Variants in IQCK observed in about 807,000 individuals in gnomAD.
The protein encoded by IQCK is IQ motif containing K, also known as IQ domain-containing protein K.
A neutral mutation model predicts 28.1 loss-of-function variants in IQCK; 29 were observed. That is an observed-to-expected ratio of 1.03 (90% CI 0.77 to 1.41). IQCK has a LOEUF of 1.41. Among genes scored for constraint, IQCK ranks in the 40% most tolerant of loss-of-function variants. The pLI, the probability that IQCK is intolerant of heterozygous loss-of-function variation, is 0.00. For missense variants in IQCK, 359 were observed against 314.7 expected (o/e 1.14, Z -1.07); for synonymous variants, 113 against 115.1 (o/e 0.98, Z 0.12).
intron 2 of IQCK, among the ~76,000 whole-genome samples, chr16:19,731,148 G>A (rs1977823561): frequency 6.6e-6 from 1 of 152,186 alleles, no homozygotes; most frequent in Non-Finnish European, 1.5e-5. Flanking sequence ...GTCCATGTGA[G>A]GGACAGTTGC....
At chr16:19,767,900 A>C (rs2055263985) in intron 6 of IQCK, among the ~76,000 whole-genome samples, 1 of 149,292 alleles carries the variant, frequency 6.7e-6, no homozygotes, top group African/African-American at 2.4e-5. Flanking sequence ...TAAATAAACA[A>C]ATAAATAAAT....
At chr16:19,748,374 T>C (rs1218304724) in intron 4 of IQCK, among the ~76,000 whole-genome samples, 1 of 152,124 alleles carries the variant, frequency 6.6e-6, no homozygotes, top group Non-Finnish European at 1.5e-5. Flanking sequence ...CGAACCCAGC[T>C]AAATTCTTAT....
intron 2 of IQCK, among the ~76,000 whole-genome samples, chr16:19,732,339 A>G (rs1977867276): frequency 6.6e-6 from 1 of 152,078 alleles, no homozygotes; most frequent in African/African-American, 2.4e-5. Flanking sequence ...TGTTTTCTGG[A>G]TGGGTCTCTT....
At chr16:19,849,865 A>T (rs1044428827) in intron 9 of IQCK, among the ~76,000 whole-genome samples, 6 of 152,184 alleles carry the variant, frequency 3.9e-5, no homozygotes, top group Non-Finnish European at 7.3e-5. Context: ...TTAGGCTTCC[A>T]GCTCTAACAG....
exon 10 of IQCK, chr16:19,858,276 C>T (rs1431380321): frequency 7.4e-6 from 3 of 406,882 alleles, no homozygotes; most frequent in Non-Finnish European, 1.3e-5. Context: ...ACCTTAAAAG[C>T]CAAAATAAAA....
intron 4 of IQCK, among the ~76,000 whole-genome samples, chr16:19,743,170 C>T (rs2054860682): frequency 6.6e-6 from 1 of 151,514 alleles, no homozygotes; most frequent in South Asian, 2.1e-4. Flanking sequence ...GATTCTGTCT[C>T]AAATAAATAA....
intron 7 of IQCK, among the ~76,000 whole-genome samples, chr16:19,810,082 G>A (rs113587231): frequency 1.5e-4 from 23 of 151,964 alleles, no homozygotes; most frequent in Non-Finnish European, 2.4e-4. Flanking sequence ...GAGTCCAGTG[G>A]GCAGCCAAGC....
chr16:19,809,728 G>A lies in IQCK; in HGVS notation c.691-17298G>A, dbSNP rs762444555. On this transcript the variant is annotated intron_variant, in intron 7 of 7. Coordinates refer to ENST00000564186, the Ensembl canonical transcript of IQCK. The stretch of plus-strand genomic sequence containing the variant: ...GTGATTCAATGGGGCACAGTGCAGC[G>A]GTTCTCCGACTTTAGCCCACATCAT... Among the ~76,000 whole-genome samples, 7 of 152,148 alleles carry A rather than the reference G, an allele frequency of 4.6e-5. No homozygotes were observed. The South Asian group carries it at 8.3e-4, about 18-fold the overall frequency.
At chr16:19,763,159 A>T (rs2055174814) in intron 4 of IQCK, among the ~76,000 whole-genome samples, 1 of 152,236 alleles carries the variant, frequency 6.6e-6, no homozygotes, top group African/African-American at 2.4e-5. Flanking sequence ...TACTACTAAT[A>T]GCCTACTGTT....
chr16:19,770,372 A>G (rs532653848), intron 6 of IQCK, among the ~76,000 whole-genome samples: 1 of 152,318 alleles, frequency 6.6e-6, no homozygotes, highest in South Asian at 2.1e-4. Context: ...GTAGGTTTAA[A>G]ACAACACAAA....
chr16:19,725,626 A>G (rs1977631564), intron 1 of IQCK, among the ~76,000 whole-genome samples: 1 of 152,252 alleles, frequency 6.6e-6, no homozygotes, highest in African/African-American at 2.4e-5. Flanking sequence ...TTAAGAGTCC[A>G]GTACTCTACA....
intron 3 of IQCK, among the ~76,000 whole-genome samples, chr16:19,734,242 A>G (rs142631272): frequency 7.0e-4 from 106 of 152,248 alleles, no homozygotes; most frequent in African/African-American, 2.5e-3. Context: ...CATGCCTATA[A>G]TCCCAGCACT....
rs144968202 is a variant in IQCK at position 19,855,389 on chromosome 16, C to T, written c.803-1098C>T. The stretch of plus-strand genomic sequence containing the variant: ...GGTGGATCACTTGAGGCTGGGAGTT[C>T]GAGACCAGCCTGGGCAACATTGGGA... On this transcript the variant is annotated intron_variant, in intron 9 of 9. Coordinates refer to the IQCK transcript ENST00000320394. 3.1e-4 allele frequency among the ~76,000 whole-genome samples: 47 copies of T among 152,160 alleles called. 1 individual carries two copies. The East Asian group carries it at 3.3e-3, about 11-fold the overall frequency.
At chr16:19,837,221 A>C (rs1280790178) in intron 9 of IQCK, among the ~76,000 whole-genome samples, 2 of 152,008 alleles carry the variant, frequency 1.3e-5, no homozygotes, top group African/African-American at 2.4e-5. Flanking sequence ...CGGGCAACAC[A>C]GAGAGACTAT....
At chr16:19,776,904 A>T (rs2055404419) in intron 6 of IQCK, among the ~76,000 whole-genome samples, 1 of 152,212 alleles carries the variant, frequency 6.6e-6, no homozygotes, top group African/African-American at 2.4e-5. Context: ...ATCAGAGGCA[A>T]TGAAATTATT....
At chr16:19,750,254 G>A (rs1223145693) in intron 4 of IQCK, among the ~76,000 whole-genome samples, 1 of 151,764 alleles carries the variant, frequency 6.6e-6, no homozygotes, top group Non-Finnish European at 1.5e-5. Flanking sequence ...AGCCTCCCAA[G>A]TAGCTAGGAC....
chr16:19,768,473 G>A (rs567956857), intron 6 of IQCK, among the ~76,000 whole-genome samples: 3 of 152,320 alleles, frequency 2.0e-5, no homozygotes, highest in South Asian at 2.1e-4. Context: ...CTGGCTGGGT[G>A]CAGTGGCTGA....
At chr16:19,780,018 CTTAT>C (rs57997707) in intron 6 of IQCK, among the ~76,000 whole-genome samples, 57,275 of 128,484 alleles carry the variant, frequency 0.45, 13,817 homozygotes, top group East Asian at 0.54. Context: ...CGTGCCCAGC[CTTAT>C]TTATTTATTT....
chr16:19,811,986 T>C (rs1314929090), intron 7 of IQCK, among the ~76,000 whole-genome samples: 2 of 62,986 alleles, frequency 3.2e-5, no homozygotes, highest in Non-Finnish European at 5.0e-5. Flanking sequence ...ATAGCCTTAA[T>C]TTTTTTTTTT....
Sources: gnomAD v4.1 joint callset for allele counts (sites outside exome capture counted in the v4.1 genomes callset) on GRCh38, gnomAD v4.1.1 for gene constraint, MANE v1.5 for transcripts, NCBI Gene and HGNC (gene_info 2026-07-23, HGNC 2026-07-21) for gene names.